Variants in HPSE2 observed in about 807,000 individuals in gnomAD.
The protein encoded by HPSE2 is heparanase 2 (inactive), also known as inactive heparanase-2.
Under a neutral mutation model 60.5 loss-of-function variants are expected in HPSE2, and 38 were observed. That is an observed-to-expected ratio of 0.63 (90% CI 0.48 to 0.82). The LOEUF is 0.82. HPSE2 is among the 40% of genes least tolerant of loss of function. The probability of loss-of-function intolerance (pLI) is 0.00; values close to 1 mark genes in which losing one functional copy is unlikely to be tolerated. For missense variants in HPSE2, 713 were observed against 740.4 expected (o/e 0.96, Z 0.43); for synonymous variants, 295 against 293.2 (o/e 1.01, Z -0.06).
At chr10:98,708,086 A>C (rs998440977) in intron 5 of HPSE2, among the ~76,000 whole-genome samples, 2 of 152,194 alleles carry the variant, frequency 1.3e-5, no homozygotes, top group Non-Finnish European at 2.9e-5. Flanking sequence ...TGGGAAAAAA[A>C]TTAAAGTCAC....
At chr10:99,305,961 ACGCGCG>A in the HPSE2 span, among the ~76,000 whole-genome samples, 131 of 103,016 alleles carry the variant, frequency 1.3e-3, no homozygotes, top group African/African-American at 3.7e-3. Context: ...ACTCACACAC[ACGCGCG>A]CGCGCGCGCG....
rs566525914 is a variant in HPSE2 at position 98,543,352 on chromosome 10, C to T, written c.1321-53156G>A. 4.6e-5 allele frequency among the ~76,000 whole-genome samples: 7 copies of T among 152,134 alleles called. No homozygotes were observed. In the South Asian group the frequency reaches 1.0e-3, roughly 23 times the overall value. Reference sequence around the variant, plus strand: ...AGTGCTAAACATGGAAAGGAACAACCGGTACCAGCCGCTGCAAAATCATGC... The same window carrying T: ...AGTGCTAAACATGGAAAGGAACAACTGGTACCAGCCGCTGCAAAATCATGC... On this transcript the variant is annotated intron_variant, in intron 9 of 11. Transcript: ENST00000370552.
At chr10:99,173,114 A>G (rs961487420) in intron 2 of HPSE2, among the ~76,000 whole-genome samples, 1 of 152,178 alleles carries the variant, frequency 6.6e-6, no homozygotes, top group African/African-American at 2.4e-5. Flanking sequence ...AAGCCAGGCT[A>G]GAAGCAAATT....
At chr10:98,480,811 C>T (rs1941207051) in intron 11 of HPSE2, among the ~76,000 whole-genome samples, 1 of 152,178 alleles carries the variant, frequency 6.6e-6, no homozygotes, top group African/African-American at 2.4e-5. Context: ...GCAATTGTAT[C>T]CTTCCTCTTT....
At position 98,832,403 on chromosome 10, in the gene HPSE2, G is replaced by C. The variant is rs148594697; in HGVS notation, c.611-88347C>G. Among the ~76,000 whole-genome samples, 543 of 152,292 alleles carry C rather than the reference G, an allele frequency of 3.6e-3. 3 individuals are homozygous for C. Among genetic ancestry groups the C allele is most frequent in the African/African-American group, 0.012 (516 of 41,566 alleles). On this transcript the variant is annotated intron_variant, in intron 3 of 11. Coordinates refer to ENST00000370552, the MANE Select transcript of HPSE2 (RefSeq NM_021828.5). ...ATGCTTGGAAGACGCTTGGGGTCTG[G>C]TTTCAATCGTCAAATAGTAAAGAGT...
chr10:99,310,649 C>T, the HPSE2 span, among the ~76,000 whole-genome samples: 3 of 152,102 alleles, frequency 2.0e-5, no homozygotes, highest in Non-Finnish European at 4.4e-5. Flanking sequence ...GTTTTTGAGA[C>T]AGGGTCCCGC....
intron 6 of HPSE2, among the ~76,000 whole-genome samples, chr10:98,668,481 G>C (rs1399287887): frequency 1.3e-5 from 2 of 152,030 alleles, no homozygotes; most frequent in African/African-American, 4.8e-5. Flanking sequence ...AAAGAACAAC[G>C]CCAGAGACAT....
chr10:98,688,766 G>A (rs1158090570), intron 6 of HPSE2, among the ~76,000 whole-genome samples: 9 of 151,660 alleles, frequency 5.9e-5, no homozygotes, highest in Non-Finnish European at 1.3e-4. Context: ...ATGAGTCACC[G>A]TGCCTGGTCT....
chr10:98,945,959 A>T (rs1193539496), intron 3 of HPSE2, among the ~76,000 whole-genome samples: 1 of 152,136 alleles, frequency 6.6e-6, no homozygotes, highest in African/African-American at 2.4e-5. Context: ...GTGCGGGTCA[A>T]CTTATATGCA....
At chr10:98,505,517 A>T (rs1167691200) in intron 9 of HPSE2, among the ~76,000 whole-genome samples, 1 of 151,256 alleles carries the variant, frequency 6.6e-6, no homozygotes, top group Non-Finnish European at 1.5e-5. Flanking sequence ...GTCCGTATGG[A>T]TCTCCTCTTG....
chr10:99,191,105 CA>C lies in HPSE2; in HGVS notation c.448+41242del, dbSNP rs776556793. ...TGAGGTTTGGGTGCCAGCTCAGCAG[CA>C]GTGGAATAGAGTACCAAGTAAATTC... On this transcript the variant is annotated intron_variant, in intron 2 of 11. Transcript: ENST00000370552. Among the ~76,000 whole-genome samples the C allele has an allele frequency of 6.2e-4, 94 of 152,180 alleles. 1 individual carries two copies. In the Middle Eastern group the frequency reaches 0.017, roughly 28 times the overall value.
chr10:99,068,246 A>G (rs1272687249), intron 3 of HPSE2, among the ~76,000 whole-genome samples: 1 of 152,012 alleles, frequency 6.6e-6, no homozygotes, highest in African/African-American at 2.4e-5. Context: ...TCACTTCCAC[A>G]TTTTCAGGTA....
At chr10:99,305,979 G>GCGCGCGCACACACACA in the HPSE2 span, among the ~76,000 whole-genome samples, 204 of 80,546 alleles carry the variant, frequency 2.5e-3, no homozygotes, top group East Asian at 5.9e-3. Context: ...GCGCGCGCGC[G>GCGCGCGCACACACACA]CACACACACA....
chr10:99,058,763 A>G (rs1237538547), intron 3 of HPSE2, among the ~76,000 whole-genome samples: 1 of 152,154 alleles, frequency 6.6e-6, no homozygotes, highest in Non-Finnish European at 1.5e-5. Flanking sequence ...GTGTTTGTGA[A>G]TTTGAAGGTG....
the HPSE2 span, among the ~76,000 whole-genome samples, chr10:99,298,426 A>G: frequency 6.6e-6 from 1 of 152,246 alleles, no homozygotes; most frequent in East Asian, 1.9e-4. Context: ...ACATAGGGAC[A>G]ACAGCAAGCA....
chr10:98,629,613 C>T, intron 7 of HPSE2, among the ~76,000 whole-genome samples: 1 of 152,134 alleles, frequency 6.6e-6, no homozygotes, highest in Non-Finnish European at 1.5e-5. Flanking sequence ...TCATTTGTTC[C>T]TTGGTCTTAC....
At chr10:99,058,554 C>T (rs1958164653) in intron 3 of HPSE2, among the ~76,000 whole-genome samples, 1 of 152,132 alleles carries the variant, frequency 6.6e-6, no homozygotes. Context: ...CATATTCACT[C>T]CTCTTGACTA....
chr10:99,047,855 A>G (rs12255056), intron 3 of HPSE2: 2 of 777,810 alleles, frequency 2.6e-6, no homozygotes, highest in African/African-American at 3.4e-5. Flanking sequence ...TTGAATGGCG[A>G]GGATGGCAAG....
chr10:98,898,483 T>C (rs1953562994), intron 3 of HPSE2, among the ~76,000 whole-genome samples: 1 of 152,140 alleles, frequency 6.6e-6, no homozygotes, highest in Non-Finnish European at 1.5e-5. Context: ...GAAAAGGGTA[T>C]GGTACGGTAT....
Sources: gnomAD v4.1 joint callset for allele counts (sites outside exome capture counted in the v4.1 genomes callset) on GRCh38, gnomAD v4.1.1 for gene constraint, MANE v1.5 for transcripts, NCBI Gene and HGNC (gene_info 2026-07-23, HGNC 2026-07-21) for gene names.